SLC12A7: variants seen among roughly 807,000 people sequenced by gnomAD.
SLC12A7 encodes K-Cl cotransporter 4.
SLC12A7 carries 100 observed loss-of-function variants against 120.6 expected under a neutral mutation model. That is an observed-to-expected ratio of 0.83 (90% confidence interval 0.71 to 0.98). SLC12A7 has a LOEUF of 0.98. SLC12A7 is among the 50% of genes least tolerant of loss of function. The pLI, the probability that SLC12A7 is intolerant of heterozygous loss-of-function variation, is 0.00. For synonymous variants in SLC12A7, 760 were observed against 678.0 expected (o/e 1.12, Z -1.88); for missense variants, 1,373 against 1,548.1 (o/e 0.89, Z 1.90).
chr5:1,118,792 C>T, the SLC12A7 span, among the ~76,000 whole-genome samples: 1 of 152,232 alleles, frequency 6.6e-6, no homozygotes, highest in African/African-American at 2.4e-5. Flanking sequence ...ATCAAATGTG[C>T]TGGCCCCGCA....
chr5:1,126,892 A>T, the SLC12A7 span, among the ~76,000 whole-genome samples: 2 of 152,158 alleles, frequency 1.3e-5, no homozygotes, highest in Non-Finnish European at 2.9e-5. Context: ...CCCCAGAAGG[A>T]TATGTTGAAG....
At chr5:1,055,420 G>A (rs1329212669) in intron 22 of SLC12A7, among the ~76,000 whole-genome samples, 4 of 152,186 alleles carry the variant, frequency 2.6e-5, no homozygotes, top group Non-Finnish European at 5.9e-5. Flanking sequence ...TCCCGGGGAC[G>A]TCACAGTAAG....
At chr5:1,101,164 G>A (rs1445608190) in intron 1 of SLC12A7, among the ~76,000 whole-genome samples, 2 of 152,164 alleles carry the variant, frequency 1.3e-5, no homozygotes, top group Non-Finnish European at 2.9e-5. Context: ...TGCCCCGAGC[G>A]GCCCTAAGCA....
At chr5:1,111,193 G>A (rs1297763784) in intron 1 of SLC12A7, among the ~76,000 whole-genome samples, 1 of 152,148 alleles carries the variant, frequency 6.6e-6, no homozygotes, top group African/African-American at 2.4e-5. Flanking sequence ...TTTGGAGCCA[G>A]GATGGAGGGA....
At chr5:1,080,410 C>A (rs1738912374) in intron 9 of SLC12A7, among the ~76,000 whole-genome samples, 1 of 152,214 alleles carries the variant, frequency 6.6e-6, no homozygotes, top group African/African-American at 2.4e-5. Context: ...GCAGATCACC[C>A]CCTCCATAGC....
rs555015958 is a variant in SLC12A7, at chr5:1,058,970, C to T, written c.2848-1321G>A. ...TTCGAGCTCGAGCTTGCTGTTCCCGCTCCCGGTCCCTCCTCGGTCAGCATT... is the reference window on the plus strand; with the variant it reads ...TTCGAGCTCGAGCTTGCTGTTCCCGTTCCCGGTCCCTCCTCGGTCAGCATT... On this transcript the variant is annotated intron_variant, in intron 21 of 23. Coordinates refer to ENST00000264930, the MANE Select transcript of SLC12A7 (RefSeq NM_006598.3). Among the ~76,000 whole-genome samples the T allele has an allele frequency of 5.9e-5, 9 of 152,330 alleles. No individual in the cohort carries two copies. In the South Asian group the frequency reaches 1.9e-3, roughly 32 times the overall value.
At chr5:1,079,597 C>A in intron 9 of SLC12A7, 101 bp from the exon 10 acceptor site, 1 of 938,726 alleles carries the variant, frequency 1.1e-6, no homozygotes, top group Admixed American at 1.9e-5. Context: ...CTGGGGAGAC[C>A]CCGAGCGTGA....
At chr5:1,152,956 C>T in the SLC12A7 span, among the ~76,000 whole-genome samples, 1 of 152,244 alleles carries the variant, frequency 6.6e-6, no homozygotes, top group Non-Finnish European at 1.5e-5. Context: ...CTGTGGCGCC[C>T]AACGCATGCC....
intron 3 of SLC12A7, among the ~76,000 whole-genome samples, chr5:1,089,664 C>G (rs1314034097): frequency 6.6e-6 from 1 of 152,040 alleles, no homozygotes; most frequent in Non-Finnish European, 1.5e-5. Context: ...CACGAGATAA[C>G]AGCAAAGGTT....
chr5:1,141,147 C>T, the SLC12A7 span, among the ~76,000 whole-genome samples: 13 of 152,198 alleles, frequency 8.5e-5, no homozygotes, highest in Non-Finnish European at 1.3e-4. Context: ...GCACCGGTTC[C>T]GGCCTCTTCT....
the SLC12A7 span, among the ~76,000 whole-genome samples, chr5:1,132,192 A>G: frequency 0.014 from 2,130 of 152,312 alleles, 63 homozygotes; most frequent in African/African-American, 0.049. Flanking sequence ...CGAATGCATT[A>G]GCATCTAAGA....
In SLC12A7 at chr5:1,088,277, C is replaced by T. The variant is rs369578019; in HGVS notation, c.544+29G>A. ...AAACACAGACTCCTCTAACAGGACT[C>T]AGGGCCGCGGCTGGCGGGCACCCCT... On this transcript the variant is annotated intron_variant, in intron 5 of 23. Coordinates refer to ENST00000264930, the MANE Select transcript of SLC12A7 (RefSeq NM_006598.3). 4.6e-5 allele frequency: 72 copies of T among 1,569,722 alleles called. No individual in the cohort carries two copies. The African/African-American group carries it at 8.6e-4, about 19-fold the overall frequency.
the SLC12A7 span, among the ~76,000 whole-genome samples, chr5:1,144,221 C>T: frequency 6.6e-5 from 10 of 152,146 alleles, no homozygotes; most frequent in Admixed American, 1.3e-4. Context: ...AGTTGGCCGG[C>T]GCAGCGCCGG....
At chr5:1,126,935 G>A in the SLC12A7 span, among the ~76,000 whole-genome samples, 2 of 152,216 alleles carry the variant, frequency 1.3e-5, no homozygotes, top group African/African-American at 2.4e-5. Context: ...TGTCCTGACT[G>A]GGAGGTGGCT....
intron 11 of SLC12A7, chr5:1,078,478 G>A (rs534165943): frequency 5.3e-5 from 32 of 602,378 alleles, no homozygotes; most frequent in East Asian, 2.0e-4. Context: ...GCCCCCAGCC[G>A]CATCAGGGCT....
At chr5:1,144,509 G>A in the SLC12A7 span, among the ~76,000 whole-genome samples, 66 of 152,358 alleles carry the variant, frequency 4.3e-4, no homozygotes, top group African/African-American at 1.4e-3. Flanking sequence ...ACTGTGGAAC[G>A]GGAGGAGCCC....
chr5:1,107,511 T>C (rs906178264), intron 1 of SLC12A7, among the ~76,000 whole-genome samples: 3 of 152,150 alleles, frequency 2.0e-5, no homozygotes, highest in African/African-American at 7.2e-5. Flanking sequence ...GTCCCTCAGG[T>C]GCCTCTGCTT....
chr5:1,080,743 G>C (rs1178394298), intron 9 of SLC12A7, among the ~76,000 whole-genome samples: 1 of 152,352 alleles, frequency 6.6e-6, no homozygotes, highest in East Asian at 1.9e-4. Flanking sequence ...CCCACTGTTT[G>C]AGGAGGACAC....
In SLC12A7 at chr5:1,089,132, C is replaced by A. The variant is rs758534997; in HGVS notation, c.343-4G>T. Reference sequence around the variant, plus strand: ...TGAAGGTGCCCATGCGCGGAGCCTGCGACAGAGCATAGCGTGTCCCAGGGG... The same window carrying A: ...TGAAGGTGCCCATGCGCGGAGCCTGAGACAGAGCATAGCGTGTCCCAGGGG... On this transcript the variant is annotated splice_region_variant and splice_polypyrimidine_tract_variant and intron_variant, in intron 3 of 23. Coordinates refer to ENST00000264930, the MANE Select transcript of SLC12A7 (RefSeq NM_006598.3). 5 of 1,612,132 alleles carry A rather than the reference C, an allele frequency of 3.1e-6. No individual in the cohort carries two copies. Among genetic ancestry groups the A allele is most frequent in the Admixed American group, 1.7e-5 (1 of 60,012 alleles).
Sources: allele counts gnomAD v4.1 joint callset (sites outside exome capture counted in the v4.1 genomes callset), GRCh38; gene constraint gnomAD v4.1.1; transcripts MANE v1.5; gene names NCBI Gene and HGNC (gene_info 2026-07-23, HGNC 2026-07-21).